SLC14A1: variants seen among roughly 807,000 people sequenced by gnomAD.
SLC14A1 encodes the protein urea transporter 1.
A neutral mutation model predicts 39.6 loss-of-function variants in SLC14A1; 36 were observed. That is an observed-to-expected ratio of 0.91 (90% CI 0.70 to 1.20). The LOEUF (loss-of-function observed/expected upper bound fraction) is 1.20, where lower values mean the gene tolerates loss of function less well. Among genes scored for constraint, SLC14A1 ranks in the 50% most tolerant of loss-of-function variants. SLC14A1 has a pLI of 0.00. For missense variants in SLC14A1, 469 were observed against 478.7 expected, an observed-to-expected ratio of 0.98 and a Z score of 0.19; for synonymous variants, 164 against 173.6, an observed-to-expected ratio of 0.94 and a Z score of 0.43.
intron 8 of SLC14A1, among the ~76,000 whole-genome samples, chr18:45,744,853 G>T (rs2047498164): frequency 6.6e-6 from 1 of 151,964 alleles, no homozygotes; most frequent in South Asian, 2.1e-4. Context: ...ATCTTTTCCT[G>T]AGGCCCTTCA....
chr18:45,751,770 A>G lies in SLC14A1; in HGVS notation c.*1819A>G. The G allele has an allele frequency of 1.3e-6, 1 of 777,914 alleles. No homozygotes were observed. The highest frequency in any genetic ancestry group is 1.6e-6 in the Non-Finnish European group (1 of 642,246). The allele number at this position is 777,914 out of a possible 1,614,324, so 48.2% of individuals were successfully genotyped here. On this transcript the variant is annotated 3_prime_UTR_variant, in exon 10 of 10. Transcript: ENST00000321925. ...GCACTCCAGCCTGTGTGACCGAGCA[A>G]GACCCTATCTCAAAAAAATTAATTA...
chr18:45,746,167 C>A (rs976574773), intron 8 of SLC14A1, among the ~76,000 whole-genome samples: 1 of 152,136 alleles, frequency 6.6e-6, no homozygotes, highest in South Asian at 2.1e-4. Flanking sequence ...GTTGGGTTAT[C>A]GCAGTGGGAC....
intron 2 of SLC14A1, among the ~76,000 whole-genome samples, chr18:45,726,089 G>T (rs1171106145): frequency 6.6e-6 from 1 of 152,080 alleles, no homozygotes; most frequent in African/African-American, 2.4e-5. Context: ...TTAACCATTT[G>T]TTCTTTATCA....
intron 7 of SLC14A1, 65 bp from the exon 8 acceptor site, chr18:45,739,463 C>A (rs1346917904): frequency 3.1e-6 from 5 of 1,610,380 alleles, no homozygotes; most frequent in Non-Finnish European, 1.7e-6. Flanking sequence ...TTCAATCCCA[C>A]CCTCAGTTTC....
chr18:45,741,748 C>G (rs2144820070), intron 8 of SLC14A1, among the ~76,000 whole-genome samples: 1 of 152,302 alleles, frequency 6.6e-6, no homozygotes, highest in South Asian at 2.1e-4. Flanking sequence ...CTGAGTTCAG[C>G]TGGGTTGGAA....
intron 8 of SLC14A1, among the ~76,000 whole-genome samples, chr18:45,746,883 T>C (rs1310075153): frequency 6.6e-6 from 1 of 152,218 alleles, no homozygotes; most frequent in Non-Finnish European, 1.5e-5. Flanking sequence ...TGATTTGTTA[T>C]ACAACAAATA....
At chr18:45,727,686 CT>C (rs1413024052) in intron 2 of SLC14A1, among the ~76,000 whole-genome samples, 4 of 152,168 alleles carry the variant, frequency 2.6e-5, no homozygotes, top group African/African-American at 4.8e-5. Context: ...ATTAGAGTGC[CT>C]TTTACTTATT....
chr18:45,734,029 G>A (rs1392778062), intron 4 of SLC14A1: 1 of 452,014 alleles, frequency 2.2e-6, no homozygotes, highest in Admixed American at 3.4e-5. Context: ...CATGAAACCT[G>A]TCCCTGGGGC....
Position 45,751,803 on chromosome 18 carries a change from A to C in SLC14A1, c.*1852A>C. 6.5e-5 allele frequency: 53 copies of C among 816,866 alleles called. No individual in the cohort carries two copies. Among genetic ancestry groups the C allele is most frequent in the Non-Finnish European group, 7.5e-5 (51 of 676,700 alleles). 50.6% of individuals were successfully genotyped at this position (816,866 alleles called of 1,614,324 possible). Reference sequence around the variant, plus strand: ...TCTCAAAAAAATTAATTAATTAATTAATTAATTAATTTAAAAAGGAAGTCA... The same window carrying C: ...TCTCAAAAAAATTAATTAATTAATTCATTAATTAATTTAAAAAGGAAGTCA... On this transcript the variant is annotated 3_prime_UTR_variant, in exon 10 of 10. Transcript: ENST00000321925.
chr18:45,750,132 T>C lies in SLC14A1; in HGVS notation c.*181T>C, dbSNP rs1361653201. Reference sequence around the variant, plus strand: ...TCAACTCCAGGAATATCCTTGAGCATATGAGAGTCACATCCAGGTGATGTG... The same window carrying C: ...TCAACTCCAGGAATATCCTTGAGCACATGAGAGTCACATCCAGGTGATGTG... On this transcript the variant is annotated 3_prime_UTR_variant, in exon 10 of 10. Transcript: ENST00000321925. 1 of 1,477,378 alleles carries C rather than the reference T, an allele frequency of 6.8e-7. No homozygotes were observed. Among genetic ancestry groups the C allele is most frequent in the East Asian group, 2.4e-5 (1 of 40,848 alleles). The allele number at this position is 1,477,378 out of a possible 1,614,324, so 91.5% of individuals were successfully genotyped here.
chr18:45,745,362 G>A (rs186049906), intron 8 of SLC14A1, among the ~76,000 whole-genome samples: 1 of 152,310 alleles, frequency 6.6e-6, no homozygotes, highest in East Asian at 1.9e-4. Flanking sequence ...GATACCAGCT[G>A]TTTGGGTGAG....
At chr18:45,726,835 T>C (rs546842730) in intron 2 of SLC14A1, 1 of 165,160 alleles carries the variant, frequency 6.1e-6, no homozygotes, top group African/African-American at 2.4e-5. Flanking sequence ...TGGGGCAACC[T>C]GTTGCTTTGG....
chr18:45,730,581 C>A, intron 3 of SLC14A1, 110 bp downstream of exon 3: 3 of 1,192,600 alleles, frequency 2.5e-6, no homozygotes, highest in Non-Finnish European at 3.7e-6. Context: ...TTTTATAGAT[C>A]TCTTTACTCA....
intron 6 of SLC14A1, among the ~76,000 whole-genome samples, chr18:45,737,803 G>T (rs546114514): frequency 2.6e-4 from 40 of 152,274 alleles, no homozygotes; most frequent in African/African-American, 8.9e-4. Context: ...GCCACACGTG[G>T]CTAGGACCCA....
At chr18:45,733,850 A>C (rs1304505027) in intron 4 of SLC14A1, among the ~76,000 whole-genome samples, 1 of 152,198 alleles carries the variant, frequency 6.6e-6, no homozygotes, top group African/African-American at 2.4e-5. Flanking sequence ...CTCCTGTCAG[A>C]TCAGCAGAAG....
chr18:45,742,150 C>A (rs2047394054), intron 8 of SLC14A1, among the ~76,000 whole-genome samples: 1 of 151,980 alleles, frequency 6.6e-6, no homozygotes, highest in Admixed American at 6.5e-5. Context: ...AGAATTATCA[C>A]AAAGTACCTC....
chr18:45,736,325 G>A, intron 5 of SLC14A1, 131 bp from the exon 6 acceptor site: 1 of 810,664 alleles, frequency 1.2e-6, no homozygotes, highest in Non-Finnish European at 2.1e-6. Flanking sequence ...TTTTCTTTCT[G>A]TGGCAAATGT....
At chr18:45,733,344 A>G (rs537380) in intron 4 of SLC14A1, among the ~76,000 whole-genome samples, 140,848 of 152,302 alleles carry the variant, frequency 0.92, 65,159 homozygotes, top group East Asian at 1. Flanking sequence ...ATTAAATGGG[A>G]TACTTCTCCA....
chr18:45,739,227 G>T lies in SLC14A1; in HGVS notation c.728G>T (p.Gly243Val). 1 of 1,614,076 alleles carries T rather than the reference G, an allele frequency of 6.2e-7. No homozygotes were observed. The highest frequency in any genetic ancestry group is 8.5e-7 in the Non-Finnish European group (1 of 1,179,994). ...IYGCDNPWTGGIFLGAILLSS... is the reference protein window; with the variant it reads ...IYGCDNPWTGVIFLGAILLSS... ...GGCTGTGATAATCCATGGACAGGGG[G>T]CATTTTCCTGGGAGCCATCCTACTC... Residue 243 changes from glycine (G) to valine (V), a missense_variant, in exon 7 of 10, where the codon GGC becomes GTC. Physicochemically the swap from Gly to Val is moderately radical, Grantham distance 109 (BLOSUM62 -3). Transcript: ENST00000321925.
Sources: allele counts gnomAD v4.1 joint callset (sites outside exome capture counted in the v4.1 genomes callset), GRCh38; gene constraint gnomAD v4.1.1; transcripts MANE v1.5; gene names NCBI Gene and HGNC (gene_info 2026-07-23, HGNC 2026-07-21).